CACNA2D3: variants seen among roughly 807,000 people sequenced by gnomAD.
CACNA2D3 encodes calcium voltage-gated channel auxiliary subunit alpha2delta 3, also known as voltage-dependent calcium channel subunit alpha-2/delta-3.
In CACNA2D3, 60 loss-of-function variants were observed where a neutral mutation model predicts 160.6. That is an observed-to-expected ratio of 0.37 (90% CI 0.30 to 0.46). The LOEUF (loss-of-function observed/expected upper bound fraction) is 0.46. CACNA2D3 is among the 20% of genes least tolerant of loss of function. The pLI, the probability that CACNA2D3 is intolerant of heterozygous loss-of-function variation, is 1.00. For missense variants in CACNA2D3, 1,205 were observed against 1,365.0 expected, an observed-to-expected ratio of 0.88 and a Z score of 1.85; for synonymous variants, 558 against 492.9, an observed-to-expected ratio of 1.13 and a Z score of -1.75.
At chr3:54,415,153 T>G (rs1453776366) in intron 4 of CACNA2D3, among the ~76,000 whole-genome samples, 1 of 152,158 alleles carries the variant, frequency 6.6e-6, no homozygotes, top group Non-Finnish European at 1.5e-5. Flanking sequence ...AACTTAGTGT[T>G]TCTTTCATTA....
At chr3:54,153,662 T>C (rs74549688) in intron 2 of CACNA2D3, among the ~76,000 whole-genome samples, 201 of 152,328 alleles carry the variant, frequency 1.3e-3, no homozygotes, top group Non-Finnish European at 4.1e-4. Context: ...CTTTTAAACA[T>C]GACTCACAAG....
chr3:54,800,515 A>C (rs1301939759), intron 13 of CACNA2D3, among the ~76,000 whole-genome samples: 1 of 152,220 alleles, frequency 6.6e-6, no homozygotes, highest in Non-Finnish European at 1.5e-5. Context: ...TGCAGAGTGA[A>C]AGCTTGATGA....
At chr3:54,329,891 T>C (rs572586363) in intron 3 of CACNA2D3, among the ~76,000 whole-genome samples, 2 of 152,348 alleles carry the variant, frequency 1.3e-5, no homozygotes, top group South Asian at 4.2e-4. Flanking sequence ...TGTACTTTTT[T>C]GGTCTTTACT....
chr3:54,372,575 C>T (rs1698943836), intron 3 of CACNA2D3, among the ~76,000 whole-genome samples: 1 of 152,178 alleles, frequency 6.6e-6, no homozygotes, highest in Non-Finnish European at 1.5e-5. Flanking sequence ...AGTCCTTCTT[C>T]ATTAGCTCTC....
intron 2 of CACNA2D3, among the ~76,000 whole-genome samples, chr3:54,283,980 T>C (rs1363805528): frequency 6.6e-6 from 1 of 152,126 alleles, no homozygotes; most frequent in Non-Finnish European, 1.5e-5. Flanking sequence ...GGGAATTGCT[T>C]GAACACAGGA....
intron 13 of CACNA2D3, among the ~76,000 whole-genome samples, chr3:54,802,125 C>G (rs535420092): frequency 6.6e-6 from 1 of 152,192 alleles, no homozygotes; most frequent in Non-Finnish European, 1.5e-5. Context: ...TCCTCCTCCT[C>G]CTCTTTCAAC....
intron 24 of CACNA2D3, among the ~76,000 whole-genome samples, chr3:54,890,495 CAAAAAAAAAAA>C (rs34740812): frequency 3.3e-5 from 2 of 60,860 alleles, no homozygotes; most frequent in African/African-American, 1.3e-4. Context: ...GACTCCGTCT[CAAAAAAAAAAA>C]AAAAAAAAGA....
intron 11 of CACNA2D3, among the ~76,000 whole-genome samples, chr3:54,693,604 G>C (rs1341447412): frequency 6.6e-6 from 1 of 152,170 alleles, no homozygotes; most frequent in African/African-American, 2.4e-5. Flanking sequence ...GGTCCTTCAG[G>C]AGGTGTCCAG....
rs546297701 is a variant in CACNA2D3 at position 54,210,450 on chromosome 3, G to A, written c.204+86856G>A. On this transcript the variant is annotated intron_variant, in intron 2 of 37. Coordinates refer to ENST00000474759, the MANE Select transcript of CACNA2D3 (RefSeq NM_018398.3). ...TGTGTGTGTGTGTGTGTTTGTGTGT[G>A]TGTGTGTGTGTTTAAGATAGCTCAT... 5.3e-4 allele frequency among the ~76,000 whole-genome samples: 80 copies of A among 152,172 alleles called. 2 individuals are homozygous for A. In the South Asian group the frequency reaches 0.016, roughly 30 times the overall value.
At position 54,973,002 on chromosome 3, in the gene CACNA2D3, G is replaced by A. The variant is rs150485104; in HGVS notation, c.2556+3158G>A. ...CTGAAGCTTACCGGTTAGCAGGAGAGATAAACTTATATGATCATCAATTGT... is the reference window on the plus strand; with the variant it reads ...CTGAAGCTTACCGGTTAGCAGGAGAAATAAACTTATATGATCATCAATTGT... On this transcript the variant is annotated intron_variant, in intron 29 of 37. Transcript: ENST00000474759. Among the ~76,000 whole-genome samples, 605 of 152,272 alleles carry A rather than the reference G, an allele frequency of 4.0e-3. 2 individuals are homozygous for A. The highest frequency in any genetic ancestry group is 0.014 in the African/African-American group (568 of 41,550).
intron 3 of CACNA2D3, among the ~76,000 whole-genome samples, chr3:54,354,426 T>C (rs1273148298): frequency 1.3e-5 from 2 of 151,904 alleles, no homozygotes; most frequent in African/African-American, 4.8e-5. Flanking sequence ...TTTTTTAAGG[T>C]CTAAAACCAA....
chr3:54,758,410 T>C (rs186587816), intron 12 of CACNA2D3, among the ~76,000 whole-genome samples: 23 of 152,226 alleles, frequency 1.5e-4, no homozygotes, highest in Admixed American at 3.3e-4. Flanking sequence ...ACCAAGACCA[T>C]TGGGCTCCCT....
intron 13 of CACNA2D3, among the ~76,000 whole-genome samples, chr3:54,783,327 C>T (rs1035558419): frequency 5.9e-5 from 9 of 152,216 alleles, no homozygotes; most frequent in South Asian, 4.2e-4. Context: ...TGGAGCCAGC[C>T]GGGCACGGTG....
chr3:54,656,252 C>T (rs757528912), intron 11 of CACNA2D3, among the ~76,000 whole-genome samples: 1 of 152,254 alleles, frequency 6.6e-6, no homozygotes, highest in Admixed American at 6.5e-5. Context: ...GCACTTAATT[C>T]TCCGAAGTGA....
intron 35 of CACNA2D3, among the ~76,000 whole-genome samples, chr3:55,064,410 T>TG (rs536898855): frequency 6.6e-5 from 10 of 151,880 alleles, no homozygotes; most frequent in Admixed American, 2.6e-4. Flanking sequence ...GCCGGTGAGG[T>TG]GGGGGGCAGG....
At chr3:54,808,669 T>A (rs1703199922) in intron 13 of CACNA2D3, among the ~76,000 whole-genome samples, 1 of 152,060 alleles carries the variant, frequency 6.6e-6, no homozygotes, top group South Asian at 2.1e-4. Context: ...ATAATGAACA[T>A]AAAGAGATAA....
At position 54,540,380 on chromosome 3, in the gene CACNA2D3, A is replaced by C. The variant is rs528861070; in HGVS notation, c.545-22420A>C. ...CTTTTTAAAAATAATTGAAGTACCA[A>C]ATATAAAGCTAAATATAATTTGCCG... On this transcript the variant is annotated intron_variant, in intron 5 of 37. Transcript: ENST00000474759. Among the ~76,000 whole-genome samples, 20 of 152,324 alleles carry C rather than the reference A, an allele frequency of 1.3e-4. 1 individual carries two copies. The highest frequency in any genetic ancestry group is 1.0e-3 in the South Asian group (5 of 4,830).
chr3:55,071,404 C>T (rs998314265), intron 35 of CACNA2D3, among the ~76,000 whole-genome samples: 1 of 152,064 alleles, frequency 6.6e-6, no homozygotes, highest in Non-Finnish European at 1.5e-5. Flanking sequence ...CTCATGCTAT[C>T]CATATTGATC....
chr3:54,533,620 C>T (rs916248547), intron 5 of CACNA2D3, among the ~76,000 whole-genome samples: 2 of 152,128 alleles, frequency 1.3e-5, no homozygotes, highest in Non-Finnish European at 2.9e-5. Context: ...CAGGTGTGAG[C>T]CACAGCACCC....
Sources: allele counts gnomAD v4.1 joint callset (sites outside exome capture counted in the v4.1 genomes callset), GRCh38; gene constraint gnomAD v4.1.1; transcripts MANE v1.5; gene names NCBI Gene and HGNC (gene_info 2026-07-23, HGNC 2026-07-21).